The following HEPHL1 variants were observed in gnomAD, a reference collection of about 807,000 sequenced individuals.
The protein encoded by HEPHL1 is ferroxidase HEPHL1.
HEPHL1 carries 123 observed loss-of-function variants against 122.0 expected under a neutral mutation model. That is an observed-to-expected ratio of 1.01 (90% CI 0.87 to 1.17). The LOEUF (loss-of-function observed/expected upper bound fraction) is 1.17, where lower values mean the gene tolerates loss of function less well. HEPHL1 is among the 50% of genes most tolerant of loss of function. HEPHL1 has a pLI of 0.00. For missense variants in HEPHL1, 1,452 were observed against 1,430.5 expected (o/e 1.01, Z -0.24); for synonymous variants, 527 against 508.9 (o/e 1.04, Z -0.48).
At chr11:94,037,111 C>T (rs1032241318) in intron 1 of HEPHL1, among the ~76,000 whole-genome samples, 13 of 152,194 alleles carry the variant, frequency 8.5e-5, no homozygotes, top group African/African-American at 1.4e-4. Context: ...GGGTGACGGA[C>T]GCACCTGGAA....
At chr11:94,057,712 C>T (rs911017915) in intron 2 of HEPHL1, among the ~76,000 whole-genome samples, 5 of 152,004 alleles carry the variant, frequency 3.3e-5, no homozygotes, top group East Asian at 1.9e-4. Flanking sequence ...GTTGTTTGAA[C>T]ATATTTATTA....
chr11:94,087,366 A>G (rs1946226591), intron 11 of HEPHL1, among the ~76,000 whole-genome samples: 1 of 152,162 alleles, frequency 6.6e-6, no homozygotes, highest in South Asian at 2.1e-4. Flanking sequence ...TGTGTCCTAT[A>G]CATTTCTAAA....
chr11:94,028,650 A>T (rs183977299), intron 1 of HEPHL1, among the ~76,000 whole-genome samples: 1 of 152,304 alleles, frequency 6.6e-6, no homozygotes, highest in Non-Finnish European at 1.5e-5. Context: ...TTGAGTCAAG[A>T]TGTTAGAATG....
At position 94,025,854 on chromosome 11, in the gene HEPHL1, T is replaced by C. The variant is rs142816670; in HGVS notation, c.170+4316T>C. ...AAATGGTAACTTTCAAATCTCAACT[T>C]CTGTCTTATCAGCACCAAAAATATT... On this transcript the variant is annotated intron_variant, in intron 1 of 19. Coordinates refer to ENST00000315765, the MANE Select transcript of HEPHL1 (RefSeq NM_001098672.2). 2.6e-5 allele frequency among the ~76,000 whole-genome samples: 4 copies of C among 152,314 alleles called. No homozygotes were observed. In the East Asian group the frequency reaches 7.7e-4, roughly 30 times the overall value.
Position 94,094,012 on chromosome 11 carries a change from AT to A in HEPHL1, c.2434+373del, listed in dbSNP as rs1291317426. ...TATATATATATATATATATATATATATAAAACTTTAAGTTCTAGGGTACATG... is the reference window on the plus strand; with the variant it reads ...TATATATATATATATATATATATATAAAAACTTTAAGTTCTAGGGTACATG... On this transcript the variant is annotated intron_variant, in intron 13 of 19. Transcript: ENST00000315765. Among the ~76,000 whole-genome samples the A allele has an allele frequency of 5.0e-3, 630 of 127,004 alleles. 12 individuals carry two copies. The highest frequency in any genetic ancestry group is 0.021 in the South Asian group (82 of 3,896). 83.3% of individuals were successfully genotyped at this position (127,004 alleles called of 152,430 possible). A position where few individuals can be genotyped will look rare whatever the true frequency, so the allele number is the denominator to read the frequency against.
chr11:94,067,345 A>G, intron 4 of HEPHL1, 151 bp from the exon 5 acceptor site: 1 of 685,574 alleles, frequency 1.5e-6, no homozygotes, highest in South Asian at 1.9e-5. Context: ...GACAATATAT[A>G]TTTCTAAGAG....
At position 94,055,491 on chromosome 11, in the gene HEPHL1, C is replaced by T. The variant is rs143257404; in HGVS notation, c.416-8017C>T. On this transcript the variant is annotated intron_variant, in intron 2 of 19. Transcript: ENST00000315765. ...CTTTTCACATCATCCAGGATGAGCTCAAAGGTGGCTGCTTGCTCCGTAAGG... is the reference window on the plus strand; with the variant it reads ...CTTTTCACATCATCCAGGATGAGCTTAAAGGTGGCTGCTTGCTCCGTAAGG... The T allele has an allele frequency of 8.6e-4, 207 of 241,060 alleles. 3 individuals carry two copies. The highest frequency in any genetic ancestry group is 4.3e-3 in the African/African-American group (191 of 44,116). The allele number at this position is 241,060 out of a possible 1,614,324, so 14.9% of individuals were successfully genotyped here.
chr11:94,111,540 A>G lies in HEPHL1; in HGVS notation c.3212A>G (p.Asn1071Ser), dbSNP rs545807289. Residue 1071 changes from asparagine to serine, a missense_variant, in exon 19 of 20, where the codon AAC becomes AGC. Transcript: ENST00000315765. ...TTYTVLRNID[N>S]RIPYSTTSPG... ...TGAACTTGTTTTCTTTGTGCAGACA[A>G]CAGGATTCCTTACTCCACCACATCT... 85 of 1,599,054 alleles carry G rather than the reference A, an allele frequency of 5.3e-5. 1 individual carries two copies. The African/African-American group carries it at 5.5e-4, about 10-fold the overall frequency.
intron 2 of HEPHL1, among the ~76,000 whole-genome samples, chr11:94,062,470 G>A (rs1945993712): frequency 6.6e-6 from 1 of 152,136 alleles, no homozygotes; most frequent in Non-Finnish European, 1.5e-5. Flanking sequence ...GTTTGTCTTG[G>A]CCACACTGGC....
At chr11:94,047,415 T>C (rs1020955773) in intron 2 of HEPHL1, among the ~76,000 whole-genome samples, 4 of 152,182 alleles carry the variant, frequency 2.6e-5, no homozygotes, top group Admixed American at 2.0e-4. Context: ...TGTTTCCATG[T>C]GTTCTCATAA....
intron 2 of HEPHL1, among the ~76,000 whole-genome samples, chr11:94,047,526 A>G (rs1945851080): frequency 6.6e-6 from 1 of 151,966 alleles, no homozygotes; most frequent in Non-Finnish European, 1.5e-5. Flanking sequence ...ATGTCCCTGC[A>G]AAGGACATCA....
At chr11:94,056,074 G>A in intron 2 of HEPHL1, 1 of 380,480 alleles carries the variant, frequency 2.6e-6, no homozygotes, top group Admixed American at 4.4e-5. Flanking sequence ...TGTTAGATAT[G>A]AATACATTTA....
intron 1 of HEPHL1, among the ~76,000 whole-genome samples, chr11:94,033,561 C>T (rs1216701058): frequency 6.6e-6 from 1 of 152,156 alleles, no homozygotes; most frequent in Non-Finnish European, 1.5e-5. Flanking sequence ...TCAACCTTGA[C>T]TTCTTTTCTA....
rs1555058775 is a variant in HEPHL1, at chr11:94,042,883, A to AAAAAAAAAAAAACAAAC, written c.171-2780_171-2779insAACAAACAAAAAAAAAA. On this transcript the variant is annotated intron_variant, in intron 1 of 19. Transcript: ENST00000315765. Reference sequence around the variant, plus strand: ...TAAAACTTAAAGTATAATAAAAAAAAAAAAAAAAAACTGCATGAATTGCTC... The same window carrying AAAAAAAAAAAAACAAAC: ...TAAAACTTAAAGTATAATAAAAAAAAAAAAAAAAAAAACAAACAAAAAAAAAACTGCATGAATTGCTC... Among the ~76,000 whole-genome samples the AAAAAAAAAAAAACAAAC allele has an allele frequency of 2.6e-3, 341 of 132,392 alleles. 1 individual carries two copies. Among genetic ancestry groups the AAAAAAAAAAAAACAAAC allele is most frequent in the African/African-American group, 3.7e-3 (133 of 35,494 alleles). The allele number at this position is 132,392 out of a possible 152,430, so 86.9% of individuals were successfully genotyped here. A position where few individuals can be genotyped will look rare whatever the true frequency, so the allele number is the denominator to read the frequency against.
intron 17 of HEPHL1, among the ~76,000 whole-genome samples, 160 bp downstream of exon 17, chr11:94,106,290 TTTC>T (rs1946407945): frequency 8.0e-6 from 1 of 125,060 alleles, no homozygotes; most frequent in Admixed American, 1.0e-4. Context: ...GGATATTTCT[TTTC>T]TTTTTTTTTT....
chr11:94,038,146 G>A (rs1355555916), intron 1 of HEPHL1, among the ~76,000 whole-genome samples: 1 of 151,062 alleles, frequency 6.6e-6, no homozygotes, highest in Non-Finnish European at 1.5e-5. Context: ...TGAATGAAAT[G>A]AAGTGAGAAG....
chr11:94,041,977 T>C (rs1187010121), intron 1 of HEPHL1, among the ~76,000 whole-genome samples: 2 of 65,344 alleles, frequency 3.1e-5, no homozygotes, highest in Non-Finnish European at 2.9e-5. Flanking sequence ...CCTACTCATC[T>C]GACAAAGGGC....
chr11:94,060,294 A>G (rs747201562), intron 2 of HEPHL1, among the ~76,000 whole-genome samples: 2 of 151,660 alleles, frequency 1.3e-5, no homozygotes, highest in Non-Finnish European at 2.9e-5. Flanking sequence ...TGATATATAT[A>G]TGTGTGTGTA....
chr11:94,041,857 A>T (rs1382668451), intron 1 of HEPHL1, among the ~76,000 whole-genome samples: 2 of 34,652 alleles, frequency 5.8e-5, no homozygotes, highest in African/African-American at 2.6e-4. Context: ...TGGCAACAAA[A>T]GCCAAAATTG....
Sources: allele counts gnomAD v4.1 joint callset (sites outside exome capture counted in the v4.1 genomes callset), GRCh38; gene constraint gnomAD v4.1.1; transcripts MANE v1.5; gene names NCBI Gene and HGNC (gene_info 2026-07-23, HGNC 2026-07-21).